The following NODAL variants were observed in gnomAD, a reference collection of about 807,000 sequenced individuals.
NODAL encodes the protein nodal growth differentiation factor, also known as nodal homolog.
Under a neutral mutation model 34.0 loss-of-function variants are expected in NODAL, and 12 were observed. That is an observed-to-expected ratio of 0.35 (90% CI 0.23 to 0.57). The LOEUF is 0.57. NODAL is among the 20% of genes least tolerant of loss of function. The pLI, the probability that NODAL is intolerant of heterozygous loss-of-function variation, is 0.83. For missense variants in NODAL, 390 were observed against 444.2 expected (o/e 0.88, Z 1.10); for synonymous variants, 162 against 186.4 (o/e 0.87, Z 1.07).
chr10:70,443,516 T>C (rs1845454604), upstream of NODAL, among the ~76,000 whole-genome samples: 1 of 151,494 alleles, frequency 6.6e-6, no homozygotes, highest in Non-Finnish European at 1.5e-5. Flanking sequence ...AGCAAGACCC[T>C]CTTTAAAAAA....
upstream of NODAL, among the ~76,000 whole-genome samples, chr10:70,444,861 T>C (rs1474679139): frequency 6.6e-6 from 1 of 152,204 alleles, no homozygotes; most frequent in Non-Finnish European, 1.5e-5. Context: ...GGTTGTCATC[T>C]GACTTCCCCA....
chr10:70,439,160 A>G (rs557555039), intron 1 of NODAL, among the ~76,000 whole-genome samples: 1 of 152,274 alleles, frequency 6.6e-6, no homozygotes, highest in East Asian at 1.9e-4. Context: ...GCGCGCCACC[A>G]TGCCCAGCTA....
intron 1 of NODAL, chr10:70,447,817 G>A (rs758788154): frequency 1.3e-5 from 6 of 464,078 alleles, no homozygotes; most frequent in African/African-American, 4.0e-5. Context: ...TCTCTCTGAG[G>A]CCCCAGCCCC....
intron 1 of NODAL, among the ~76,000 whole-genome samples, chr10:70,437,018 G>A (rs1845365472): frequency 6.6e-6 from 1 of 152,180 alleles, no homozygotes; most frequent in Non-Finnish European, 1.5e-5. Flanking sequence ...ACCCAGCCCT[G>A]TTCCACACAC....
chr10:70,438,399 C>T (rs1845384286), intron 1 of NODAL, among the ~76,000 whole-genome samples: 1 of 152,218 alleles, frequency 6.6e-6, no homozygotes, highest in Non-Finnish European at 1.5e-5. Flanking sequence ...CAAATTCTGT[C>T]ACTTGCTGTT....
In NODAL at chr10:70,432,815, G is replaced by T. The variant is rs578069296; in HGVS notation, c.*121C>A. On this transcript the variant is annotated 3_prime_UTR_variant, in exon 3 of 3. Coordinates refer to ENST00000287139, the MANE Select transcript of NODAL (RefSeq NM_018055.5). ...GGGCAGCCCCTCCTCTTCAGTTCTG[G>T]TGGGCAGAGCAACTTTGCCCCTCTC... 5.3e-4 allele frequency: 623 copies of T among 1,174,918 alleles called. 2 individuals are homozygous for T. The highest frequency in any genetic ancestry group is 1.1e-3 in the Middle Eastern group (4 of 3,736). 72.8% of individuals were successfully genotyped at this position (1,174,918 alleles called of 1,614,324 possible).
rs541723042 is a variant in NODAL, at chr10:70,439,359, C to T, written c.193+2116G>A. Among the ~76,000 whole-genome samples the T allele has an allele frequency of 1.8e-4, 28 of 152,250 alleles. No homozygotes were observed. In the East Asian group the frequency reaches 4.6e-3, roughly 25 times the overall value. ...CACCCTTGGGTTCCCTTCCAGTCAC[C>T]GACACCGCCGTCCCCAGACAGGGCT... On this transcript the variant is annotated intron_variant, in intron 1 of 2. Transcript: ENST00000287139.
chr10:70,439,924 T>C (rs1326008606), intron 1 of NODAL, among the ~76,000 whole-genome samples: 1 of 152,010 alleles, frequency 6.6e-6, no homozygotes, highest in African/African-American at 2.4e-5. Context: ...TATTAAAAAA[T>C]AGCTGGGCGC....
chr10:70,441,776 A>C, upstream of NODAL: 1 of 1,185,384 alleles, frequency 8.4e-7, no homozygotes, highest in Non-Finnish European at 1.2e-6. Context: ...AAGATCATAT[A>C]ACCCCCCTCC....
intron 1 of NODAL, among the ~76,000 whole-genome samples, chr10:70,441,182 C>T (rs1238972411): frequency 1.3e-5 from 2 of 152,272 alleles, no homozygotes; most frequent in African/African-American, 4.8e-5. Context: ...GCGCTCCGCG[C>T]AATCCCAAAC....
upstream of NODAL, among the ~76,000 whole-genome samples, chr10:70,443,944 T>A (rs1384569825): frequency 1.3e-5 from 2 of 151,644 alleles, no homozygotes; most frequent in Admixed American, 6.6e-5. Flanking sequence ...TTTTTTTTTT[T>A]TTTTTGAGAT....
upstream of NODAL, among the ~76,000 whole-genome samples, chr10:70,443,443 C>T (rs1845453864): frequency 6.6e-6 from 1 of 152,034 alleles, no homozygotes; most frequent in Non-Finnish European, 1.5e-5. Context: ...AATCCCAACA[C>T]ATGGGAGGCC....
chr10:70,447,355 T>A (rs563608292), intron 1 of NODAL, among the ~76,000 whole-genome samples: 1 of 151,900 alleles, frequency 6.6e-6, no homozygotes, highest in African/African-American at 2.4e-5. Context: ...ATTACAGGCA[T>A]GAGCTACCGC....
At chr10:70,440,776 G>A (rs1270936723) in intron 1 of NODAL, among the ~76,000 whole-genome samples, 4 of 152,180 alleles carry the variant, frequency 2.6e-5, no homozygotes, top group Admixed American at 1.3e-4. Flanking sequence ...CGAGACACTT[G>A]ACACTTCCCC....
At chr10:70,445,060 A>G (rs1366390579), upstream of NODAL, among the ~76,000 whole-genome samples, 2 of 152,116 alleles carry the variant, frequency 1.3e-5, no homozygotes, top group Non-Finnish European at 2.9e-5. Context: ...ATGGAGGTGC[A>G]GGAGTCAGAC....
chr10:70,439,955 TCA>T (rs1190548467), intron 1 of NODAL, among the ~76,000 whole-genome samples: 1 of 152,138 alleles, frequency 6.6e-6, no homozygotes, highest in East Asian at 1.9e-4. Flanking sequence ...GCCTGTAGTC[TCA>T]GTTACTCGGG....
At chr10:70,444,439 C>G (rs1589155404), upstream of NODAL, among the ~76,000 whole-genome samples, 2 of 152,058 alleles carry the variant, frequency 1.3e-5, no homozygotes. Flanking sequence ...AAGTGATTCT[C>G]CTGCCTCAGT....
chr10:70,434,586 C>T (rs1046637275), intron 2 of NODAL, among the ~76,000 whole-genome samples: 1 of 152,214 alleles, frequency 6.6e-6, no homozygotes, highest in Non-Finnish European at 1.5e-5. Flanking sequence ...TGGTCTCAAA[C>T]TCCTGACCTC....
chr10:70,433,992 G>A (rs1845305883), intron 2 of NODAL, among the ~76,000 whole-genome samples: 1 of 152,106 alleles, frequency 6.6e-6, no homozygotes, highest in Non-Finnish European at 1.5e-5. Flanking sequence ...AAATCAGCAG[G>A]CCTGGGTGAG....
Sources: allele counts gnomAD v4.1 joint callset (sites outside exome capture counted in the v4.1 genomes callset), GRCh38; gene constraint gnomAD v4.1.1; transcripts MANE v1.5; gene names NCBI Gene and HGNC (gene_info 2026-07-23, HGNC 2026-07-21).